The following DIPK1A variants were observed in gnomAD, a reference collection of about 807,000 sequenced individuals.
DIPK1A encodes family with sequence similarity 69 member A.
Under a neutral mutation model 40.8 loss-of-function variants are expected in DIPK1A, and 27 were observed. That is an observed-to-expected ratio of 0.66 (90% CI 0.49 to 0.91). DIPK1A has a LOEUF of 0.91. Among genes scored for constraint, DIPK1A ranks in the 40% least tolerant of loss-of-function variants. The pLI, the probability that DIPK1A is intolerant of heterozygous loss-of-function variation, is 0.00. For synonymous variants in DIPK1A, 166 were observed against 171.3 expected, an observed-to-expected ratio of 0.97 and a Z score of 0.24; for missense variants, 412 against 505.7, an observed-to-expected ratio of 0.81 and a Z score of 1.78.
In DIPK1A at chr1:92,858,762, A is replaced by T. The variant is rs151108597; in HGVS notation, c.190-7807T>A. 8.2e-4 allele frequency among the ~76,000 whole-genome samples: 125 copies of T among 152,346 alleles called. 1 individual carries two copies. The highest frequency in any genetic ancestry group is 4.8e-3 in the South Asian group (23 of 4,828). ...CTTGTGGCTTACATCAAAAACCAAA[A>T]GCAAATTTCCCACATGCTTGTATAG... is the stretch of plus-strand genomic sequence containing the variant. On this transcript the variant is annotated intron_variant, in intron 2 of 4. Coordinates refer to ENST00000370310, the MANE Select transcript of DIPK1A (RefSeq NM_001006605.5).
rs376458866 is a variant in DIPK1A at position 92,935,712 on chromosome 1, A to G, written c.54+25664T>C. Among the ~76,000 whole-genome samples the G allele has an allele frequency of 9.2e-5, 14 of 152,006 alleles. No homozygotes were observed. In the South Asian group the frequency reaches 1.7e-3, roughly 18 times the overall value. The stretch of plus-strand genomic sequence containing the variant: ...AAGATCTTTATGTTATCCTTATTAT[A>G]TTATAACGTGTTCAAGTAACTGAGC... On this transcript the variant is annotated intron_variant, in intron 1 of 4. Coordinates refer to ENST00000370310, the MANE Select transcript of DIPK1A (RefSeq NM_001006605.5).
rs767035217 is a variant in DIPK1A, at chr1:92,833,605, A to G, written c.475-571T>C. 6.2e-6 allele frequency: 10 copies of G among 1,612,760 alleles called. No individual in the cohort carries two copies. Among genetic ancestry groups the G allele is most frequent in the East Asian group, 2.2e-5 (1 of 44,882 alleles). ...GTGATACAAGATAAAAATAAATACA[A>G]CACACCCAAATACAGGATGATAGTT... On this transcript the variant is annotated intron_variant, in intron 4 of 4. Coordinates refer to the DIPK1A transcript ENST00000615519.
At position 92,842,221 on chromosome 1, in the gene DIPK1A, A is replaced by G. The variant is rs752987022; in HGVS notation, c.*1162T>C. On this transcript the variant is annotated 3_prime_UTR_variant, in exon 5 of 5. Coordinates refer to ENST00000370310, the MANE Select transcript of DIPK1A (RefSeq NM_001006605.5). ...ATGATGAATGGGAAAAGTACCTTAA[A>G]GTAAACAAAACTGGTGCTAATCCAT... The G allele has an allele frequency of 1.0e-6, 1 of 998,424 alleles. No individual in the cohort carries two copies. Among genetic ancestry groups the G allele is most frequent in the Non-Finnish European group, 1.2e-6 (1 of 838,272 alleles). The allele number at this position is 998,424 out of a possible 1,614,324, so 61.8% of individuals were successfully genotyped here. A position where few individuals can be genotyped will look rare whatever the true frequency, so the allele number is the denominator to read the frequency against.
At chr1:92,914,585 A>C (rs1451997519) in intron 1 of DIPK1A, among the ~76,000 whole-genome samples, 22 of 147,020 alleles carry the variant, frequency 1.5e-4, no homozygotes, top group Middle Eastern at 7.6e-3. Flanking sequence ...CCTGGCCAAC[A>C]TGGTGAAACC....
chr1:92,839,326 T>A (rs1165173894), downstream of DIPK1A, among the ~76,000 whole-genome samples: 1 of 152,166 alleles, frequency 6.6e-6, no homozygotes, highest in Non-Finnish European at 1.5e-5. Context: ...GCTACTGCAC[T>A]CCAGCCTGGG....
intron 1 of DIPK1A, among the ~76,000 whole-genome samples, chr1:92,915,613 T>C (rs922918659): frequency 6.6e-6 from 1 of 152,132 alleles, no homozygotes; most frequent in Non-Finnish European, 1.5e-5. Context: ...AAGCACTGTG[T>C]TAAGAACTGG....
At chr1:92,841,593 A>AAGTT (rs1257198166), downstream of DIPK1A, among the ~76,000 whole-genome samples, 1 of 152,180 alleles carries the variant, frequency 6.6e-6, no homozygotes, top group Non-Finnish European at 1.5e-5. Context: ...GGGTTTGGGA[A>AAGTT]AGTTAGCTTA....
chr1:92,870,570 A>G (rs1297935074), intron 2 of DIPK1A, among the ~76,000 whole-genome samples: 2 of 152,196 alleles, frequency 1.3e-5, no homozygotes, highest in African/African-American at 4.8e-5. Context: ...TTGTCTTTCA[A>G]CTAAATCATT....
intron 3 of DIPK1A, among the ~76,000 whole-genome samples, chr1:92,847,811 T>C (rs752759625): frequency 9.2e-5 from 14 of 152,200 alleles, no homozygotes; most frequent in Non-Finnish European, 1.9e-4. Context: ...TCATAGCTCA[T>C]TGCAGCCTCA....
At chr1:92,860,646 A>AAAAAAAAAAAGCCAGGGG (rs148916481) in intron 2 of DIPK1A, among the ~76,000 whole-genome samples, 1 of 105,210 alleles carries the variant, frequency 9.5e-6, no homozygotes, top group African/African-American at 3.7e-5. Context: ...AAAAAAAAAA[A>AAAAAAAAAAAGCCAGGGG]TGGTGGTGTG....
intron 1 of DIPK1A, among the ~76,000 whole-genome samples, chr1:92,955,765 G>A (rs1651828810): frequency 6.6e-6 from 1 of 151,792 alleles, no homozygotes; most frequent in South Asian, 2.1e-4. Context: ...GAGGGGCCAG[G>A]CACAGTGGTT....
intron 1 of DIPK1A, among the ~76,000 whole-genome samples, chr1:92,914,273 A>G (rs892749531): frequency 3.3e-5 from 5 of 151,926 alleles, no homozygotes; most frequent in East Asian, 3.9e-4. Flanking sequence ...AACAGTGGGG[A>G]AAAAAACCCA....
intron 1 of DIPK1A, among the ~76,000 whole-genome samples, chr1:92,927,962 T>G (rs1650588303): frequency 6.6e-6 from 1 of 152,260 alleles, no homozygotes; most frequent in Non-Finnish European, 1.5e-5. Flanking sequence ...TCATTTCCAC[T>G]GGGTATATAT....
At chr1:92,896,991 A>G (rs1649200013) in intron 1 of DIPK1A, among the ~76,000 whole-genome samples, 1 of 152,104 alleles carries the variant, frequency 6.6e-6, no homozygotes, top group Admixed American at 6.5e-5. Context: ...TGATCATTAA[A>G]AAGTCAGGAA....
At chr1:92,835,079 A>G (rs189964392) in intron 4 of DIPK1A, 5 of 999,262 alleles carry the variant, frequency 5.0e-6, no homozygotes, top group African/African-American at 3.2e-5. Flanking sequence ...GCTCTTTCCA[A>G]TAAAATTTTC....
intron 1 of DIPK1A, among the ~76,000 whole-genome samples, chr1:92,886,503 C>A (rs376992735): frequency 5.3e-5 from 8 of 151,934 alleles, no homozygotes; most frequent in African/African-American, 1.9e-4. Flanking sequence ...TGTTATACAT[C>A]CACTTAAATA....
At chr1:92,876,850 G>T in intron 1 of DIPK1A, 2 of 345,814 alleles carry the variant, frequency 5.8e-6, no homozygotes, top group Non-Finnish European at 4.1e-6. Flanking sequence ...AAATAATTTT[G>T]TTTTAAAGAA....
chr1:92,848,789 G>A (rs1687715401), intron 3 of DIPK1A, among the ~76,000 whole-genome samples: 1 of 152,120 alleles, frequency 6.6e-6, no homozygotes, highest in South Asian at 2.1e-4. Context: ...ACACTCAAAT[G>A]TTGGACTTTG....
downstream of DIPK1A, among the ~76,000 whole-genome samples, chr1:92,839,277 T>G (rs1018944433): frequency 3.9e-5 from 6 of 152,202 alleles, no homozygotes; most frequent in African/African-American, 1.4e-4. Flanking sequence ...AAGAATTGCT[T>G]GAACCCTGGA....
Sources: gnomAD v4.1 joint callset for allele counts (sites outside exome capture counted in the v4.1 genomes callset) on GRCh38, gnomAD v4.1.1 for gene constraint, MANE v1.5 for transcripts, NCBI Gene and HGNC (gene_info 2026-07-23, HGNC 2026-07-21) for gene names.